Variants in SOX5 observed in about 807,000 individuals in gnomAD.
The protein encoded by SOX5 is SRY-box transcription factor 5, also known as transcription factor SOX-5.
Under a neutral mutation model 92.0 loss-of-function variants are expected in SOX5, and 9 were observed. The observed-to-expected ratio is 0.10, with a 90% CI of 0.06 to 0.17. SOX5 has a LOEUF of 0.17. Among genes scored for constraint, SOX5 ranks in the 10% least tolerant of loss-of-function variants. The pLI is 1.00. For missense variants in SOX5, 642 were observed against 944.5 expected (o/e 0.68, Z 4.20); for synonymous variants, 344 against 336.3 (o/e 1.02, Z -0.25).
chr12:24,516,148 T>A (rs1425405041), intron 1 of SOX5, among the ~76,000 whole-genome samples: 1 of 151,656 alleles, frequency 6.6e-6, no homozygotes, highest in Non-Finnish European at 1.5e-5. Context: ...GCTAAAGCGA[T>A]CCTCCCACCT....
At chr12:23,825,803 T>C (rs1024029290) in intron 3 of SOX5, among the ~76,000 whole-genome samples, 5 of 152,226 alleles carry the variant, frequency 3.3e-5, no homozygotes, top group African/African-American at 9.6e-5. Context: ...ATCTATATTA[T>C]ATGTATACTT....
intron 7 of SOX5, among the ~76,000 whole-genome samples, chr12:23,641,412 C>T (rs568663164): frequency 4.3e-4 from 66 of 152,132 alleles, no homozygotes; most frequent in African/African-American, 1.5e-3. Context: ...ACGAAGAAAA[C>T]ATTTTATGTG....
chr12:24,374,206 G>C (rs904708193), intron 1 of SOX5, among the ~76,000 whole-genome samples: 7 of 152,032 alleles, frequency 4.6e-5, no homozygotes, highest in African/African-American at 1.7e-4. Context: ...TGGTGCAGAA[G>C]CCTGTGAGTG....
chr12:24,373,384 A>C (rs116701979), intron 1 of SOX5, among the ~76,000 whole-genome samples: 280 of 152,326 alleles, frequency 1.8e-3, no homozygotes, highest in African/African-American at 6.1e-3. Flanking sequence ...AGATAAAGTC[A>C]TTCATTCATT....
At position 24,331,848 on chromosome 12, in the gene SOX5, CAAAAAAAAAA is replaced by C. The variant is rs10627494; in HGVS notation, c.-174+36705_-174+36714del. On this transcript the variant is annotated intron_variant, in intron 2 of 4. Coordinates refer to the SOX5 transcript ENST00000446891. The stretch of plus-strand genomic sequence containing the variant: ...GCCTGGGAACAGAGCAAGACTGTCT[CAAAAAAAAAA>C]AAAAAAAAAAAAAAAAAGGAAAGAA... 9.8e-4 allele frequency among the ~76,000 whole-genome samples: 31 copies of C among 31,658 alleles called. 1 individual carries two copies. The highest frequency in any genetic ancestry group is 3.1e-3 in the African/African-American group (21 of 6,874). The allele number at this position is 31,658 out of a possible 152,430, so 20.8% of individuals were successfully genotyped here. A position where few individuals can be genotyped will look rare whatever the true frequency, so the allele number is the denominator to read the frequency against.
In SOX5 at chr12:24,194,797, CA is replaced by C. The variant is rs748296123; in HGVS notation, c.-2+18545del. Among the ~76,000 whole-genome samples, 6 of 151,846 alleles carry C rather than the reference CA, an allele frequency of 4.0e-5. No homozygotes were observed. The South Asian group carries it at 1.2e-3, about 32-fold the overall frequency. ...GTTCAGCATAAATCATTTAATATGT[CA>C]AAAAAAGACTTAAAAAAAATTCTCC... On this transcript the variant is annotated intron_variant, in intron 4 of 4. Coordinates refer to the SOX5 transcript ENST00000446891.
chr12:23,704,173 T>TTG (rs773753354), intron 6 of SOX5, among the ~76,000 whole-genome samples: 20 of 151,664 alleles, frequency 1.3e-4, no homozygotes, highest in Non-Finnish European at 2.8e-4. Flanking sequence ...CTTCTAACGC[T>TTG]TGTGTGTGTG....
chr12:24,198,123 G>C lies in SOX5; in HGVS notation c.-2+15220C>G, dbSNP rs190574436. On this transcript the variant is annotated intron_variant, in intron 4 of 4. Coordinates refer to the SOX5 transcript ENST00000446891. ...TTATTGTGCTACTCACACTATAAGAGAGCAGCCCATCCATCGTTCAAAACT... is the reference window on the plus strand; with the variant it reads ...TTATTGTGCTACTCACACTATAAGACAGCAGCCCATCCATCGTTCAAAACT... Among the ~76,000 whole-genome samples, 83 of 152,232 alleles carry C rather than the reference G, an allele frequency of 5.5e-4. 1 individual carries two copies. In the South Asian group the frequency reaches 0.016, roughly 30 times the overall value.
At chr12:24,259,488 T>C (rs1270567762) in intron 3 of SOX5, among the ~76,000 whole-genome samples, 2 of 152,204 alleles carry the variant, frequency 1.3e-5, no homozygotes, top group African/African-American at 4.8e-5. Context: ...ACATAAACTG[T>C]GATTCCTAAG....
chr12:24,465,331 T>G (rs2137544812), intron 1 of SOX5, among the ~76,000 whole-genome samples: 1 of 152,372 alleles, frequency 6.6e-6, no homozygotes, highest in Non-Finnish European at 1.5e-5. Context: ...TGAGCGTTTA[T>G]TACATTGTTC....
rs137922560 is a variant in SOX5 at position 23,755,699 on chromosome 12, G to A, written c.507C>T (p.Leu169=). ...PEETPSIEKL[L]SKDWKDKLLA... is the part of the protein sequence containing the mutation. ...GAAGCTTGTCTTTCCAGTCCTTTGA[G>A]AGTAGTTTTTCAATACTGGGGGTTT... The change falls in exon 4 of 15, where the codon CTC becomes CTT. Residue 169 remains leucine, a synonymous_variant. Coordinates refer to ENST00000451604, the MANE Select transcript of SOX5 (RefSeq NM_006940.6). The A allele has an allele frequency of 2.5e-6, 4 of 1,582,632 alleles. No homozygotes were observed. The highest frequency in any genetic ancestry group is 3.4e-6 in the Non-Finnish European group (4 of 1,166,836).
At chr12:24,229,019 A>G (rs1235132983) in intron 3 of SOX5, among the ~76,000 whole-genome samples, 1 of 152,138 alleles carries the variant, frequency 6.6e-6, no homozygotes. Context: ...CCCAACCCCA[A>G]TTTCTCGTTT....
At chr12:23,894,518 C>T (rs1411533601) in intron 2 of SOX5, among the ~76,000 whole-genome samples, 15 of 152,268 alleles carry the variant, frequency 9.9e-5, no homozygotes, top group East Asian at 5.8e-4. Context: ...TGAGCCACCA[C>T]GCCCGACCTA....
At chr12:23,884,085 A>T (rs2137229329) in intron 2 of SOX5, among the ~76,000 whole-genome samples, 1 of 152,280 alleles carries the variant, frequency 6.6e-6, no homozygotes, top group Admixed American at 6.5e-5. Context: ...ACATTTCTTT[A>T]GGCACTTGTT....
intron 1 of SOX5, among the ~76,000 whole-genome samples, chr12:24,452,824 A>G (rs187493653): frequency 6.6e-6 from 1 of 152,300 alleles, no homozygotes; most frequent in Non-Finnish European, 1.5e-5. Context: ...TTTGTTTTCA[A>G]ATATGGAATT....
At position 23,536,586 on chromosome 12, in the gene SOX5, T is replaced by C; in HGVS notation, c.1855A>G (p.Lys619Glu). Residue 619 changes from lysine (K) to glutamate (E), a missense_variant, in exon 14 of 15, where the codon AAG becomes GAG. Physicochemically the swap from Lys to Glu is moderately conservative, Grantham distance 56. Coordinates refer to ENST00000451604, the MANE Select transcript of SOX5 (RefSeq NM_006940.6). ...GGCTTGTACTTATAGTCAGGGTACT[T>C]CTCCAGGTGCTGCTTGCTGAGACGG... ...QARLSKQHLE[K>E]YPDYKYKPRP... 1 of 1,614,154 alleles carries C rather than the reference T, an allele frequency of 6.2e-7. No individual in the cohort carries two copies. Among genetic ancestry groups the C allele is most frequent in the Non-Finnish European group, 8.5e-7 (1 of 1,179,996 alleles).
chr12:24,155,155 T>C (rs1952037304), intron 4 of SOX5, among the ~76,000 whole-genome samples: 1 of 152,086 alleles, frequency 6.6e-6, no homozygotes, highest in Admixed American at 6.6e-5. Flanking sequence ...GAAGAGTGAA[T>C]ATAATGAACA....
intron 4 of SOX5, among the ~76,000 whole-genome samples, chr12:24,144,585 C>T (rs577685810): frequency 6.6e-6 from 1 of 152,098 alleles, no homozygotes; most frequent in African/African-American, 2.4e-5. Flanking sequence ...GCAGGAGGAT[C>T]GCTTGACACC....
At chr12:23,875,775 G>A (rs1250692911) in intron 2 of SOX5, among the ~76,000 whole-genome samples, 1 of 152,192 alleles carries the variant, frequency 6.6e-6, no homozygotes, top group Non-Finnish European at 1.5e-5. Flanking sequence ...AGCAGTGGAT[G>A]CTGAATTTTA....
Sources: allele counts gnomAD v4.1 joint callset (sites outside exome capture counted in the v4.1 genomes callset), GRCh38; gene constraint gnomAD v4.1.1; transcripts MANE v1.5; gene names NCBI Gene and HGNC (gene_info 2026-07-23, HGNC 2026-07-21).